The following NF1 variants were observed in gnomAD, a reference collection of about 807,000 sequenced individuals.
NF1 encodes neurofibromin.
In NF1, 122 loss-of-function variants were observed where a neutral mutation model predicts 325.7. The ratio of observed to expected loss-of-function variants is 0.37; its 90% CI spans 0.32 to 0.44. The LOEUF (loss-of-function observed/expected upper bound fraction) is 0.44. NF1 is among the 20% of genes least tolerant of loss of function. The pLI is 1.00. For missense variants in NF1, 2,140 were observed against 3,415.4 expected, an observed-to-expected ratio of 0.63 and a Z score of 9.31; for synonymous variants, 1,091 against 1,186.0, an observed-to-expected ratio of 0.92 and a Z score of 1.65.
intron 38 of NF1, among the ~76,000 whole-genome samples, chr17:31,329,296 C>A (rs1045600403): frequency 3.9e-5 from 6 of 152,182 alleles, no homozygotes; most frequent in African/African-American, 1.4e-4. Flanking sequence ...TTGAAAAATA[C>A]AACCTTTTAA....
In NF1 at chr17:31,229,434, C is replaced by A. The variant is rs368995630; in HGVS notation, c.2819C>A (p.Thr940Asn). The change falls in exon 21 of 58, where the codon ACC becomes AAC. Residue 940 changes from threonine (T) to asparagine (N), a missense_variant. Physicochemically the swap from Thr to Asn is moderately conservative, Grantham distance 65. Around this residue, in one of 10 missense-constraint regions of NF1, gnomAD observed 380 missense variants for 639.3 expected, o/e 0.59. Transcript: ENST00000358273. The part of the protein sequence containing the change: ...YPMLFNKLKN[T>N]ISKFFDSQGQ... ...ATGCTATTTAACAAATTGAAGAATA[C>A]CATCAGCAAGTTTTTTGACTCCCAA... 1.2e-6 allele frequency: 2 copies of A among 1,613,854 alleles called. No homozygotes were observed. The highest frequency in any genetic ancestry group is 2.2e-5 in the South Asian group (2 of 91,064).
chr17:31,234,445 G>C (rs561134806), intron 27 of NF1, among the ~76,000 whole-genome samples: 6 of 151,846 alleles, frequency 4.0e-5, no homozygotes, highest in African/African-American at 1.5e-4. Flanking sequence ...AGGCTGAGGC[G>C]GGAGGATCAC....
chr17:31,220,165 A>T (rs532940586), intron 14 of NF1, among the ~76,000 whole-genome samples: 25 of 152,194 alleles, frequency 1.6e-4, no homozygotes, highest in Admixed American at 1.1e-3. Flanking sequence ...GTAACAACAT[A>T]TGAAGGTTTT....
rs765339408 is a variant in NF1 at position 31,226,593 on chromosome 17, G to C, written c.2160G>C (p.Arg720=). 1 of 1,613,916 alleles carries C rather than the reference G, an allele frequency of 6.2e-7. No individual in the cohort carries two copies. Among genetic ancestry groups the C allele is most frequent in the Non-Finnish European group, 8.5e-7 (1 of 1,179,820 alleles). ...FRHLCEEADI[R]CGVDEVSVHN... ...ACCTCTGTGAGGAAGCAGATATCCG[G>C]TGTGGGGTGGATGAAGTGTCAGTGC... The change falls in exon 18 of 58, where the codon CGG becomes CGC. Residue 720 remains arginine (R), a synonymous_variant. Transcript: ENST00000358273.
chr17:31,131,664 T>C (rs4795579), intron 1 of NF1, among the ~76,000 whole-genome samples: 81,820 of 152,112 alleles, frequency 0.54, 25,916 homozygotes, highest in Middle Eastern at 0.76. Flanking sequence ...GCTGTTCTTA[T>C]TGAAATGTAT....
Position 31,374,361 on chromosome 17 carries a change from C to G in NF1, c.*206C>G. ...TGCCTTTTCTTTAACTTTTTTTCTT[C>G]TACTTTTGGCGTGTATCTGGTATAT... On this transcript the variant is annotated 3_prime_UTR_variant, in exon 58 of 58. Coordinates refer to ENST00000358273, the MANE Select transcript of NF1 (RefSeq NM_001042492.3). 1.5e-6 allele frequency: 1 copy of G among 648,124 alleles called. No homozygotes were observed. The allele number at this position is 648,124 out of a possible 1,614,324, so 40.1% of individuals were successfully genotyped here.
chr17:31,357,250 C>CT lies in NF1; in HGVS notation c.7870-13dup, dbSNP rs369360556. 2.9e-4 allele frequency: 468 copies of CT among 1,611,056 alleles called. 4 individuals carry two copies. The African/African-American group carries it at 5.7e-3, about 19-fold the overall frequency. On this transcript the variant is annotated intron_variant, in intron 53 of 57. Transcript: ENST00000358273. ...ACAAAGTAAAAATGTTGTGTGTTTA[C>CT]TTTTTTGCATCTTGGCAGGCTACAC...
chr17:31,361,942 C>A (rs1268108792), intron 57 of NF1, among the ~76,000 whole-genome samples: 1 of 152,038 alleles, frequency 6.6e-6, no homozygotes, highest in Non-Finnish European at 1.5e-5. Flanking sequence ...ATCCTTTTTT[C>A]CCCCAGAAGT....
At chr17:31,230,124 A>G (rs560651847) in intron 22 of NF1, 136 bp from the exon 23 acceptor site, 1 of 1,404,068 alleles carries the variant, frequency 7.1e-7, no homozygotes, top group Non-Finnish European at 9.9e-7. Flanking sequence ...GAAGTTGTGT[A>G]CGTTCTTTTC....
At chr17:31,185,473 A>G (rs1318081359) in intron 8 of NF1, among the ~76,000 whole-genome samples, 1 of 152,312 alleles carries the variant, frequency 6.6e-6, no homozygotes, top group East Asian at 1.9e-4. Flanking sequence ...TTTGGGTGCC[A>G]GAGGATGGGA....
At chr17:31,230,435 G>A (rs535508113) in intron 23 of NF1, 53 bp downstream of exon 23, 1 of 1,604,174 alleles carries the variant, frequency 6.2e-7, no homozygotes, top group African/African-American at 1.3e-5. Context: ...TATGTCCAAT[G>A]AAGTACAGAA....
At chr17:31,218,413 T>G (rs2905879) in intron 13 of NF1, among the ~76,000 whole-genome samples, 1 of 151,916 alleles carries the variant, frequency 6.6e-6, no homozygotes, top group African/African-American at 2.4e-5. Flanking sequence ...TTAATAAAAT[T>G]TTTATTTTAT....
chr17:31,242,978 T>A (rs1382908485), intron 29 of NF1, among the ~76,000 whole-genome samples: 1 of 152,198 alleles, frequency 6.6e-6, no homozygotes, highest in Non-Finnish European at 1.5e-5. Context: ...GTTGTTATCT[T>A]AAGTCTTTGG....
At position 31,336,002 on chromosome 17, in the gene NF1, A is replaced by T. The variant is rs1258294650; in HGVS notation, c.6007-331A>T. Among the ~76,000 whole-genome samples, 1 of 151,856 alleles carries T rather than the reference A, an allele frequency of 6.6e-6. No individual in the cohort carries two copies. Among genetic ancestry groups the T allele is most frequent in the East Asian group, 1.9e-4 (1 of 5,186 alleles). ...CCACTGCACCCAGCTCTGTATTTTC[A>T]AATTACTATTTTATATTGATGCTAC... On this transcript the variant is annotated intron_variant, in intron 40 of 57. Transcript: ENST00000358273. The surrounding 1 kb of genome is among the most constrained non-coding windows in gnomAD (Gnocchi z 5.5).
rs1406306094 is a variant in NF1 at position 31,359,020 on chromosome 17, G to A, written c.8160+5G>A. 1 of 1,613,184 alleles carries A rather than the reference G, an allele frequency of 6.2e-7. No homozygotes were observed. Among genetic ancestry groups the A allele is most frequent in the Non-Finnish European group, 8.5e-7 (1 of 1,179,474 alleles). ...TTTGCAGGACCGTTTTCAAAGGTAA[G>A]AAAATATATTTTTCTCTAACTTTTG... On this transcript the variant is annotated splice_donor_5th_base_variant and intron_variant, in intron 56 of 57. Transcript: ENST00000358273.
chr17:31,297,515 C>T (rs911049591), intron 36 of NF1: 1 of 152,090 alleles, frequency 6.6e-6, no homozygotes, highest in Admixed American at 6.6e-5. Flanking sequence ...GATTGGGTTC[C>T]ATATTTTAAC....
At chr17:31,230,743 G>T in intron 23 of NF1, 99 bp from the exon 24 acceptor site, 1 of 939,256 alleles carries the variant, frequency 1.1e-6, no homozygotes. Flanking sequence ...AGGTTATCTG[G>T]CAAATTATTT....
At chr17:31,153,732 T>A (rs1243139583) in intron 1 of NF1, among the ~76,000 whole-genome samples, 1 of 151,780 alleles carries the variant, frequency 6.6e-6, no homozygotes, top group Non-Finnish European at 1.5e-5. Flanking sequence ...TGCCTCAGCC[T>A]CTTGAGTAGC....
intron 36 of NF1, 86 bp downstream of exon 36, chr17:31,265,425 G>A (rs2067769920): frequency 1.0e-6 from 1 of 966,826 alleles, no homozygotes. Context: ...GTTTTTCCCA[G>A]TTGACTTAAC....
Sources: allele counts gnomAD v4.1 joint callset (sites outside exome capture counted in the v4.1 genomes callset), GRCh38; gene constraint gnomAD v4.1.1; regional missense constraint gnomAD v4.1.1; non-coding constraint Gnocchi (gnomAD v3.1); transcripts MANE v1.5; gene names NCBI Gene and HGNC (gene_info 2026-07-23, HGNC 2026-07-21).